STS: variants seen among roughly 807,000 people sequenced by gnomAD.
STS encodes steryl-sulfatase.
In STS, 7 loss-of-function variants were observed where a neutral mutation model predicts 26.8. The ratio of observed to expected loss-of-function variants is 0.26; its 90% confidence interval spans 0.15 to 0.49. The LOEUF (loss-of-function observed/expected upper bound fraction) is 0.49, where lower values mean the gene tolerates loss of function less well. Among genes scored for constraint, STS ranks in the 20% least tolerant of loss-of-function variants. The pLI is 0.98. For missense variants in STS, 434 were observed against 465.6 expected, an observed-to-expected ratio of 0.93 and a Z score of 0.63; for synonymous variants, 199 against 189.4, an observed-to-expected ratio of 1.05 and a Z score of -0.42.
chrX:7,253,687 T>C (rs1219011884), intron 3 of STS, among the ~76,000 whole-genome samples: 1 of 111,796 alleles, frequency 8.9e-6, no homozygotes, highest in Non-Finnish European at 1.9e-5. Flanking sequence ...TTTATTCTGG[T>C]TGGTTATGGG....
chrX:7,223,016 G>T (rs191749577), intron 2 of STS, among the ~76,000 whole-genome samples: 1 of 111,605 alleles, frequency 9.0e-6, no homozygotes, highest in Admixed American at 9.5e-5. Flanking sequence ...TTGACTTTCT[G>T]AGTTATTTCA....
chrX:7,227,886 A>G (rs1601667938), intron 2 of STS, among the ~76,000 whole-genome samples: 1 of 110,593 alleles, frequency 9.0e-6, no homozygotes, highest in Non-Finnish European at 1.9e-5. Flanking sequence ...CCCTTCCCCT[A>G]TCCCCTGGAA....
At chrX:7,282,494 C>T (rs1452865888) in intron 7 of STS, among the ~76,000 whole-genome samples, 2 of 112,213 alleles carry the variant, frequency 1.8e-5, no homozygotes, top group African/African-American at 3.2e-5. Flanking sequence ...AGCCTCCATG[C>T]TTGGCCAGTT....
chrX:7,288,690 T>G (rs1252704179), intron 7 of STS, among the ~76,000 whole-genome samples: 1 of 102,164 alleles, frequency 9.8e-6, no homozygotes, highest in Non-Finnish European at 2.0e-5. Flanking sequence ...GTGTCTGTGA[T>G]GGACCATGTG....
intron 2 of STS, among the ~76,000 whole-genome samples, chrX:7,207,124 G>A (rs565449309): frequency 2.7e-5 from 3 of 111,543 alleles, no homozygotes; most frequent in Admixed American, 1.9e-4. Flanking sequence ...TGGGAGGAGG[G>A]GGTTCCAGTG....
chrX:7,210,230 C>T (rs1298172484), intron 2 of STS, among the ~76,000 whole-genome samples: 1 of 111,022 alleles, frequency 9.0e-6, no homozygotes, highest in Non-Finnish European at 1.9e-5. Flanking sequence ...AACTAATTTA[C>T]GTTCCCACCA....
intron 2 of STS, among the ~76,000 whole-genome samples, chrX:7,236,900 C>G (rs1002520147): frequency 2.8e-5 from 3 of 105,989 alleles, no homozygotes; most frequent in Admixed American, 1.0e-4. Flanking sequence ...CTATCTTAGA[C>G]TTTCAGATTC....
At chrX:7,204,537 C>G (rs868555365) in intron 2 of STS, among the ~76,000 whole-genome samples, 5 of 92,925 alleles carry the variant, frequency 5.4e-5, no homozygotes, top group Non-Finnish European at 8.6e-5. Context: ...CCCTCCCTCC[C>G]TCCTTTCCTC....
chrX:7,325,755 T>C (rs761399649), intron 9 of STS, among the ~76,000 whole-genome samples: 1 of 112,086 alleles, frequency 8.9e-6, no homozygotes, highest in South Asian at 3.7e-4. Flanking sequence ...TTCAGCAAAG[T>C]ATGGGCAGTG....
chrX:7,308,336 G>T (rs752049120), intron 8 of STS, among the ~76,000 whole-genome samples: 2 of 112,232 alleles, frequency 1.8e-5, no homozygotes, highest in Admixed American at 9.5e-5. Context: ...CACAATTCTA[G>T]AAGTGGTTGG....
intron 1 of STS, among the ~76,000 whole-genome samples, chrX:7,166,076 C>CACCACT (rs1933345073): frequency 9.5e-6 from 1 of 104,732 alleles, no homozygotes; most frequent in Non-Finnish European, 1.9e-5. Flanking sequence ...GGCGTGATTA[C>CACCACT]GGCTCGCTGC....
intron 1 of STS, among the ~76,000 whole-genome samples, chrX:7,183,659 G>A (rs781490959): frequency 3.5e-4 from 39 of 112,079 alleles, no homozygotes; most frequent in Non-Finnish European, 5.1e-4. Context: ...AAATGATTCC[G>A]AATGCCTTCC....
chrX:7,348,408 G>A (rs1181808004), intron 10 of STS, among the ~76,000 whole-genome samples: 5 of 112,073 alleles, frequency 4.5e-5, no homozygotes, highest in African/African-American at 1.6e-4. Context: ...AGGGGTGGAG[G>A]GCTTCCTAGG....
chrX:7,189,093 A>T (rs1458424908), intron 1 of STS, among the ~76,000 whole-genome samples: 7 of 111,627 alleles, frequency 6.3e-5, no homozygotes, highest in Non-Finnish European at 9.4e-5. Flanking sequence ...ATAAAGCAAA[A>T]TCCACATTTA....
At chrX:7,218,557 G>A (rs1233009298) in intron 2 of STS, among the ~76,000 whole-genome samples, 1 of 112,278 alleles carries the variant, frequency 8.9e-6, no homozygotes, top group Non-Finnish European at 1.9e-5. Flanking sequence ...CTGGGGGCAG[G>A]TGGAGGTTGA....
intron 1 of STS, among the ~76,000 whole-genome samples, chrX:7,158,563 G>A (rs184162108): frequency 1.8e-5 from 2 of 111,425 alleles, no homozygotes; most frequent in East Asian, 5.6e-4. Flanking sequence ...GCTCCTTTTC[G>A]CCTTCCTTTC....
intron 9 of STS, among the ~76,000 whole-genome samples, chrX:7,333,413 G>A (rs1034200319): frequency 5.4e-5 from 6 of 112,082 alleles, no homozygotes; most frequent in South Asian, 3.7e-4. Flanking sequence ...GGAATAATCC[G>A]TTCCCTGGTT....
At chrX:7,270,979 CTTTCTT>C (rs1924240770) in intron 6 of STS, among the ~76,000 whole-genome samples, 2 of 105,108 alleles carry the variant, frequency 1.9e-5, no homozygotes, top group African/African-American at 3.4e-5. Flanking sequence ...ATGGATGTCT[CTTTCTT>C]CTTCTTCTTC....
Position 7,153,386 on chromosome X carries a change from T to A in STS, c.-134+5303T>A, listed in dbSNP as rs755126616. ...CCTCCTCCACTCTCTCCCTCTCTCA[T>A]TCCTTCCCTTCCTTTCCTCCTGTCT... On this transcript the variant is annotated intron_variant, in intron 1 of 10. Transcript: ENST00000674429. Among the ~76,000 whole-genome samples the A allele has an allele frequency of 3.1e-4, 31 of 98,449 alleles. No individual in the cohort carries two copies. The South Asian group carries it at 0.018, about 58-fold the overall frequency. 85.5% of individuals were successfully genotyped at this position (98,449 alleles called of 115,157 possible).
Sources: gnomAD v4.1 joint callset for allele counts (sites outside exome capture counted in the v4.1 genomes callset) on GRCh38, gnomAD v4.1.1 for gene constraint, MANE v1.5 for transcripts, NCBI Gene and HGNC (gene_info 2026-07-23, HGNC 2026-07-21) for gene names.